The following RBFOX1 variants were observed in gnomAD, a reference collection of about 807,000 sequenced individuals.
RBFOX1 encodes RNA binding protein fox-1 homolog 1.
RBFOX1 carries 8 observed loss-of-function variants against 57.7 expected under a neutral mutation model. That is an observed-to-expected ratio of 0.14 (90% CI 0.08 to 0.25). The LOEUF is 0.25. RBFOX1 is among the 10% of genes least tolerant of loss of function. The pLI, the probability that RBFOX1 is intolerant of heterozygous loss-of-function variation, is 1.00. For synonymous variants in RBFOX1, 326 were observed against 222.4 expected, an observed-to-expected ratio of 1.47 and a Z score of -4.15; for missense variants, 611 against 548.5, an observed-to-expected ratio of 1.11 and a Z score of -1.14.
At chr16:6,362,680 T>C (rs1044713875) in intron 2 of RBFOX1, among the ~76,000 whole-genome samples, 1 of 152,196 alleles carries the variant, frequency 6.6e-6, no homozygotes, top group Non-Finnish European at 1.5e-5. Flanking sequence ...AGGTGACTGG[T>C]TCTGGTCTAG....
At chr16:7,537,975 C>T (rs1042962448) in intron 5 of RBFOX1, among the ~76,000 whole-genome samples, 1 of 152,246 alleles carries the variant, frequency 6.6e-6, no homozygotes, top group Non-Finnish European at 1.5e-5. Flanking sequence ...CATTTATCAA[C>T]ACCTACTGTG....
At chr16:6,789,365 G>A (rs2082517320) in intron 3 of RBFOX1, among the ~76,000 whole-genome samples, 2 of 152,124 alleles carry the variant, frequency 1.3e-5, no homozygotes, top group African/African-American at 2.4e-5. Flanking sequence ...ATTCCAGAAT[G>A]TTACAATGTT....
At chr16:6,719,048 G>C (rs113997280) in intron 3 of RBFOX1, among the ~76,000 whole-genome samples, 4,443 of 151,928 alleles carry the variant, frequency 0.029, 207 homozygotes, top group African/African-American at 0.1. Context: ...TATATTTTTT[G>C]TACAGATGAG....
intron 2 of RBFOX1, among the ~76,000 whole-genome samples, chr16:6,348,033 T>C (rs2085670946): frequency 6.6e-6 from 1 of 152,182 alleles, no homozygotes; most frequent in Non-Finnish European, 1.5e-5. Context: ...CGTTCATACC[T>C]CTTGGTCAAG....
chr16:7,381,661 G>C (rs536718381), intron 4 of RBFOX1, among the ~76,000 whole-genome samples: 1 of 151,972 alleles, frequency 6.6e-6, no homozygotes, highest in Non-Finnish European at 1.5e-5. Context: ...TATTTTATTT[G>C]GTAGGAAAAA....
chr16:5,407,259 C>T (rs79342397), intron 1 of RBFOX1, among the ~76,000 whole-genome samples: 23,294 of 152,126 alleles, frequency 0.15, 1,882 homozygotes, highest in Middle Eastern at 0.21. Context: ...CAGTCCCCTC[C>T]CACCAGGTCT....
chr16:6,249,628 G>A (rs2152941830), intron 1 of RBFOX1, among the ~76,000 whole-genome samples: 1 of 152,216 alleles, frequency 6.6e-6, no homozygotes, highest in African/African-American at 2.4e-5. Flanking sequence ...GGCAGGGAGT[G>A]GCCCCTGTGG....
chr16:6,726,725 C>A (rs550643055), intron 3 of RBFOX1, among the ~76,000 whole-genome samples: 114 of 152,240 alleles, frequency 7.5e-4, no homozygotes, highest in African/African-American at 2.6e-3. Context: ...CTTCCTTCTG[C>A]TGTGGCTGCT....
At chr16:7,552,589 A>T (rs2086895691) in intron 5 of RBFOX1, among the ~76,000 whole-genome samples, 1 of 152,198 alleles carries the variant, frequency 6.6e-6, no homozygotes, top group Admixed American at 6.5e-5. Context: ...CAGAAGCAAA[A>T]ACAAGAAATC....
At chr16:7,401,801 A>G (rs960211590) in intron 4 of RBFOX1, among the ~76,000 whole-genome samples, 2 of 152,210 alleles carry the variant, frequency 1.3e-5, no homozygotes, top group African/African-American at 2.4e-5. Flanking sequence ...CCCAGCTTCT[A>G]TAAGATGATA....
chr16:6,525,455 A>G (rs1005313504), intron 2 of RBFOX1, among the ~76,000 whole-genome samples: 45 of 152,336 alleles, frequency 3.0e-4, no homozygotes, highest in African/African-American at 1.0e-3. Context: ...TTAAAAGTCA[A>G]TGAAGATGTT....
At chr16:7,622,406 T>A (rs186647624) in intron 10 of RBFOX1, among the ~76,000 whole-genome samples, 1 of 152,364 alleles carries the variant, frequency 6.6e-6, no homozygotes, top group East Asian at 1.9e-4. Context: ...TTGTTAGGTT[T>A]ATCATATTAA....
In RBFOX1 at chr16:6,680,294, T is replaced by TTTTTTTTTTTTG. The variant is rs60731674; in HGVS notation, c.-16+25644_-16+25645insTTTTTTTTTTTG. 3.2e-4 allele frequency among the ~76,000 whole-genome samples: 33 copies of TTTTTTTTTTTTG among 103,048 alleles called. 3 individuals are homozygous for TTTTTTTTTTTTG. Among genetic ancestry groups the TTTTTTTTTTTTG allele is most frequent in the African/African-American group, 7.5e-4 (21 of 27,826 alleles). The allele number at this position is 103,048 out of a possible 152,430, so 67.6% of individuals were successfully genotyped here. On this transcript the variant is annotated intron_variant, in intron 3 of 15. Transcript: ENST00000550418. ...TCTCTCTTTTTTTTTTTTTTTTTTT[T>TTTTTTTTTTTTG]ATTTGTCGCCCAGGCTGGAGTGCAG...
chr16:6,826,081 C>T (rs560901191), intron 3 of RBFOX1, among the ~76,000 whole-genome samples: 2 of 152,218 alleles, frequency 1.3e-5, no homozygotes, highest in East Asian at 1.9e-4. Context: ...CGTTCATTGC[C>T]CAGGTCTCCC....
intron 2 of RBFOX1, among the ~76,000 whole-genome samples, chr16:6,440,272 G>A (rs145957584): frequency 5.3e-5 from 8 of 152,252 alleles, no homozygotes; most frequent in African/African-American, 1.2e-4. Flanking sequence ...GCAGAGAAAG[G>A]TGTGGTACAT....
intron 3 of RBFOX1, among the ~76,000 whole-genome samples, chr16:5,651,078 G>A (rs1174309982): frequency 9.5e-5 from 6 of 63,158 alleles, no homozygotes; most frequent in Non-Finnish European, 1.8e-4. Flanking sequence ...TTTGAGACAG[G>A]GTCTCACTCT....
At chr16:6,011,110 T>C (rs1341143524) in intron 4 of RBFOX1, among the ~76,000 whole-genome samples, 4 of 152,178 alleles carry the variant, frequency 2.6e-5, no homozygotes, top group Non-Finnish European at 4.4e-5. Context: ...GTTAAGTGCA[T>C]TTGAAAGAAA....
At chr16:6,898,896 A>G (rs1414550849) in intron 3 of RBFOX1, among the ~76,000 whole-genome samples, 1 of 99,220 alleles carries the variant, frequency 1.0e-5, no homozygotes, top group East Asian at 2.8e-4. Context: ...ACGTGTGTGC[A>G]TCTCGTATGT....
intron 3 of RBFOX1, among the ~76,000 whole-genome samples, chr16:6,935,458 G>T (rs2077208528): frequency 6.6e-6 from 1 of 152,038 alleles, no homozygotes; most frequent in South Asian, 2.1e-4. Context: ...ATTTTCTTTT[G>T]CAATAATGAA....
Sources: gnomAD v4.1 joint callset for allele counts (sites outside exome capture counted in the v4.1 genomes callset) on GRCh38, gnomAD v4.1.1 for gene constraint, MANE v1.5 for transcripts, NCBI Gene and HGNC (gene_info 2026-07-23, HGNC 2026-07-21) for gene names.